The following BAG3 variants were observed in gnomAD, a reference collection of about 807,000 sequenced individuals.
BAG3 encodes BAG cochaperone 3, also known as BAG family molecular chaperone regulator 3.
A neutral mutation model predicts 40.5 loss-of-function variants in BAG3; 14 were observed. The ratio of observed to expected loss-of-function variants is 0.35; its 90% CI spans 0.23 to 0.54. The LOEUF (loss-of-function observed/expected upper bound fraction) is 0.54. BAG3 is among the 20% of genes least tolerant of loss of function. The probability of loss-of-function intolerance (pLI) is 0.91; values close to 1 mark genes in which losing one functional copy is unlikely to be tolerated. For synonymous variants in BAG3, 302 were observed against 307.8 expected (o/e 0.98, Z 0.20); for missense variants, 788 against 758.6 (o/e 1.04, Z -0.46).
intron 2 of BAG3, among the ~76,000 whole-genome samples, chr10:119,670,472 A>G (rs1041031706): frequency 6.6e-6 from 1 of 152,244 alleles, no homozygotes; most frequent in African/African-American, 2.4e-5. Context: ...CTCCAGATGC[A>G]CACAGGTGGA....
chr10:119,662,215 G>GTTTTTTTTTGT (rs1847001205), intron 1 of BAG3, among the ~76,000 whole-genome samples: 3 of 90,400 alleles, frequency 3.3e-5, no homozygotes, highest in East Asian at 2.8e-4. Flanking sequence ...GCCTGGCTAT[G>GTTTTTTTTTGT]TTTTTTTTTT....
intron 1 of BAG3, among the ~76,000 whole-genome samples, chr10:119,658,037 AACTG>A (rs1846936693): frequency 6.6e-6 from 1 of 152,254 alleles, no homozygotes; most frequent in Admixed American, 6.5e-5. Flanking sequence ...TGCCCCAGTG[AACTG>A]GGGAGACTTT....
At chr10:119,652,617 C>T (rs527509226) in intron 1 of BAG3, among the ~76,000 whole-genome samples, 55 of 152,264 alleles carry the variant, frequency 3.6e-4, no homozygotes, top group African/African-American at 1.1e-3. Context: ...TGGCCATTGC[C>T]TTACCACATT....
intron 1 of BAG3, among the ~76,000 whole-genome samples, chr10:119,658,471 A>G (rs1846945505): frequency 6.6e-6 from 1 of 152,220 alleles, no homozygotes; most frequent in Non-Finnish European, 1.5e-5. Context: ...CTGATGACTC[A>G]GCATGGAGCG....
intron 2 of BAG3, among the ~76,000 whole-genome samples, chr10:119,670,721 G>C (rs990243603): frequency 2.0e-5 from 3 of 152,230 alleles, no homozygotes; most frequent in African/African-American, 7.2e-5. Context: ...CAGGAAGGCA[G>C]CTGCTTTAAG....
Position 119,651,571 on chromosome 10 carries a change from C to A in BAG3, c.-105C>A. ...AGGTGCCCGGCGCCGGCTTCCCGGA[C>A]ACGTCGGCGGCGGAGAGGGGCCCAC... On this transcript the variant is annotated 5_prime_UTR_variant, in exon 1 of 4. Transcript: ENST00000369085. 8.9e-7 allele frequency: 1 copy of A among 1,122,356 alleles called. No individual in the cohort carries two copies. Among genetic ancestry groups the A allele is most frequent in the Non-Finnish European group, 1.2e-6 (1 of 858,174 alleles). 69.5% of individuals were successfully genotyped at this position (1,122,356 alleles called of 1,614,324 possible). A position where few individuals can be genotyped will look rare whatever the true frequency, so the allele number is the denominator to read the frequency against.
rs774085746 is a variant in BAG3, at chr10:119,676,582, G to T, written c.1028G>T (p.Arg343Leu). 2.5e-6 allele frequency: 4 copies of T among 1,614,028 alleles called. No individual in the cohort carries two copies. Among genetic ancestry groups the T allele is most frequent in the Non-Finnish European group, 3.4e-6 (4 of 1,180,008 alleles). ...PPGHIPIQVI[R>L]KEVDSKPVSQ... ...GGACACATCCCAATTCAAGTGATCC[G>T]CAAAGAGGTGGATTCTAAACCTGTT... Residue 343 changes from arginine (R) to leucine (L), a missense_variant, in exon 4 of 4, where the codon CGC (arginine) becomes CTC (leucine). Transcript: ENST00000369085.
chr10:119,666,516 TC>T (rs1847069715), intron 1 of BAG3, among the ~76,000 whole-genome samples: 1 of 114,302 alleles, frequency 8.7e-6, no homozygotes, highest in Non-Finnish European at 1.9e-5. Flanking sequence ...CCTGTCTTAT[TC>T]CCCTTCTCTT....
intron 3 of BAG3, among the ~76,000 whole-genome samples, chr10:119,675,346 T>C (rs1847203946): frequency 6.6e-6 from 1 of 152,124 alleles, no homozygotes; most frequent in Non-Finnish European, 1.5e-5. Flanking sequence ...CAAAAATCTA[T>C]ATATCTATAT....
Position 119,677,216 on chromosome 10 carries a change from C to G in BAG3, c.1662C>G (p.Ala554=). ...ACACAGAAACCCAGCAGCCAGAAGC[C>G]ACAGCAGCAGCGACTTCAAACCCCA... The part of the protein sequence containing the change: ...DPHTETQQPE[A]TAAATSNPSS... Residue 554 remains alanine (A), a synonymous_variant, in exon 4 of 4, where the codon GCC becomes GCG. Transcript: ENST00000369085. 1 of 1,614,134 alleles carries G rather than the reference C, an allele frequency of 6.2e-7. No homozygotes were observed. Among genetic ancestry groups the G allele is most frequent in the Non-Finnish European group, 8.5e-7 (1 of 1,180,040 alleles).
chr10:119,660,390 A>G (rs1327107810), intron 1 of BAG3, among the ~76,000 whole-genome samples: 1 of 152,198 alleles, frequency 6.6e-6, no homozygotes, highest in African/African-American at 2.4e-5. Flanking sequence ...TCAGGTCCCT[A>G]GAGTTGTCTT....
intron 1 of BAG3, among the ~76,000 whole-genome samples, chr10:119,652,059 G>T (rs1247993884): frequency 6.6e-6 from 1 of 152,046 alleles, no homozygotes; most frequent in Non-Finnish European, 1.5e-5. Flanking sequence ...CTTGACAGGC[G>T]TCGGGGCGAA....
intron 1 of BAG3, among the ~76,000 whole-genome samples, chr10:119,654,163 T>G (rs1846880479): frequency 6.6e-6 from 1 of 152,226 alleles, no homozygotes; most frequent in African/African-American, 2.4e-5. Context: ...TACTGGAGAC[T>G]AAATGTAGTG....
Position 119,672,535 on chromosome 10 carries a change from C to T in BAG3, c.788C>T (p.Ala263Val), listed in dbSNP as rs1057523599. The change falls in exon 3 of 4, where the codon GCA (alanine) becomes GTA (valine). Residue 263 changes from alanine to valine, a missense_variant. By Grantham distance (64) the Ala-to-Val change is moderately conservative. Transcript: ENST00000369085. The surrounding 1 kb of genome is among the most constrained non-coding windows in gnomAD (Gnocchi z 4.8). ...DDWEPRPLRA[A>V]SPFRSSVQGA... is the part of the protein sequence containing the mutation. ...TGGGAGCCCCGGCCCCTGCGGGCGG[C>T]ATCCCCGTTCAGGTCATCTGTCCAG... 1.9e-6 allele frequency: 3 copies of T among 1,613,856 alleles called. No individual in the cohort carries two copies. Among genetic ancestry groups the T allele is most frequent in the Non-Finnish European group, 2.5e-6 (3 of 1,179,880 alleles).
chr10:119,668,581 T>C (rs931178634), intron 1 of BAG3, among the ~76,000 whole-genome samples: 22 of 152,226 alleles, frequency 1.4e-4, no homozygotes, highest in Non-Finnish European at 3.2e-4. Context: ...CAGCCCAGCT[T>C]GCTGAGAGAT....
chr10:119,672,397 C>T lies in BAG3; in HGVS notation c.650C>T (p.Thr217Ile), dbSNP rs1285251667. 6.2e-7 allele frequency: 1 copy of T among 1,614,182 alleles called. No individual in the cohort carries two copies. Among genetic ancestry groups the T allele is most frequent in the Admixed American group, 1.7e-5 (1 of 60,018 alleles). ...CCGGTGATACACGAGCAGAACGTTA[C>T]CCGGCCAGCAGCCCAGCCCTCCTTC... ...SIPVIHEQNVTRPAAQPSFHQ... is the reference protein window; with the variant it reads ...SIPVIHEQNVIRPAAQPSFHQ... Residue 217 changes from threonine (T) to isoleucine (I), a missense_variant, in exon 3 of 4, where the codon ACC (threonine) becomes ATC (isoleucine). Transcript: ENST00000369085. This position sits in a 1 kb window ranked among gnomAD's most constrained non-coding sequence, Gnocchi z 4.8.
At position 119,676,521 on chromosome 10, in the gene BAG3, A is replaced by G. The variant is rs765875627; in HGVS notation, c.967A>G (p.Ser323Gly). ...PVSQPENKPE[S>G]KPGPVGPELP... ...TTCCCAGCCTGAAAACAAACCAGAA[A>G]GTAAGCCAGGCCCAGTTGGACCAGA... The change falls in exon 4 of 4, where the codon AGT becomes GGT. Residue 323 changes from serine (S) to glycine (G), a missense_variant. By Grantham distance (56) the Ser-to-Gly change is moderately conservative. Coordinates refer to ENST00000369085, the MANE Select transcript of BAG3 (RefSeq NM_004281.4). The G allele has an allele frequency of 2.5e-6, 4 of 1,614,022 alleles. No individual in the cohort carries two copies. The Admixed American group carries it at 6.7e-5, about 27-fold the overall frequency.
intron 3 of BAG3, among the ~76,000 whole-genome samples, chr10:119,675,934 T>TCCCTCCC (rs1847228627): frequency 4.4e-5 from 3 of 67,942 alleles, no homozygotes; most frequent in African/African-American, 6.1e-5. Context: ...CCTCCCTCCC[T>TCCCTCCC]TCCTTCTTTG....
At chr10:119,658,299 A>C (rs1381430446) in intron 1 of BAG3, among the ~76,000 whole-genome samples, 1 of 152,256 alleles carries the variant, frequency 6.6e-6, no homozygotes. Context: ...GGGTCAGTTC[A>C]GACCCCCAGC....
Sources: gnomAD v4.1 joint callset for allele counts (sites outside exome capture counted in the v4.1 genomes callset) on GRCh38, gnomAD v4.1.1 for gene constraint, Gnocchi (gnomAD v3.1) non-coding constraint, MANE v1.5 for transcripts, NCBI Gene and HGNC (gene_info 2026-07-23, HGNC 2026-07-21) for gene names.